The following CEP128 variants were observed in gnomAD, a reference collection of about 807,000 sequenced individuals.
The protein encoded by CEP128 is centrosomal protein 128kDa.
In CEP128, 132 loss-of-function variants were observed where a neutral mutation model predicts 156.7. The ratio of observed to expected loss-of-function variants is 0.84; its 90% CI spans 0.73 to 0.97. The LOEUF (loss-of-function observed/expected upper bound fraction) is 0.97, where lower values mean the gene tolerates loss of function less well. CEP128 is among the 50% of genes least tolerant of loss of function. The pLI is 0.00. For synonymous variants in CEP128, 469 were observed against 448.9 expected (o/e 1.04, Z -0.57); for missense variants, 1,252 against 1,281.9 (o/e 0.98, Z 0.36).
intron 15 of CEP128, among the ~76,000 whole-genome samples, chr14:80,784,369 T>C (rs1901284971): frequency 2.0e-5 from 3 of 151,732 alleles, no homozygotes. Context: ...ATGGTGATAA[T>C]GCTAACAACA....
intron 9 of CEP128, among the ~76,000 whole-genome samples, chr14:80,841,395 C>T (rs1442090864): frequency 1.3e-5 from 2 of 152,042 alleles, no homozygotes; most frequent in Non-Finnish European, 2.9e-5. Flanking sequence ...TTAAAAACTG[C>T]TTTGATGCAA....
At position 80,647,055 on chromosome 14, in the gene CEP128, A is replaced by ATGTGTGTGTG. The variant is rs1894678845; in HGVS notation, c.2807-66633_2807-66632insCACACACACA. Among the ~76,000 whole-genome samples, 22 of 36,550 alleles carry ATGTGTGTGTG rather than the reference A, an allele frequency of 6.0e-4. 1 individual carries two copies. The highest frequency in any genetic ancestry group is 5.9e-3 in the East Asian group (4 of 682). 24.0% of individuals were successfully genotyped at this position (36,550 alleles called of 152,430 possible). ...TGTGCATGTATATATATATATATAT[A>ATGTGTGTGTG]TATATATATATATATATATATATAT... On this transcript the variant is annotated intron_variant, in intron 19 of 24. Transcript: ENST00000555265.
chr14:80,923,280 C>A (rs937407368), intron 2 of CEP128, among the ~76,000 whole-genome samples: 2 of 152,290 alleles, frequency 1.3e-5, no homozygotes, highest in Admixed American at 1.3e-4. Flanking sequence ...GAAACAAATG[C>A]CCATATGCAA....
chr14:80,678,406 A>T (rs1197383), intron 19 of CEP128, among the ~76,000 whole-genome samples: 52,276 of 151,662 alleles, frequency 0.34, 12,668 homozygotes, highest in African/African-American at 0.69. Context: ...ATCAGAATAA[A>T]CAATTACTTG....
chr14:80,596,834 A>AAAAAAAAG (rs1892342904), intron 19 of CEP128, among the ~76,000 whole-genome samples: 1 of 116,562 alleles, frequency 8.6e-6, no homozygotes, highest in African/African-American at 3.6e-5. Flanking sequence ...AAAAAAAAAA[A>AAAAAAAAG]AAAAAAAAGG....
At chr14:80,821,049 G>T (rs1388158554) in intron 13 of CEP128, among the ~76,000 whole-genome samples, 1 of 151,938 alleles carries the variant, frequency 6.6e-6, no homozygotes, top group East Asian at 1.9e-4. Context: ...GGAACTAAAA[G>T]AATGTTTTCT....
downstream of CEP128, among the ~76,000 whole-genome samples, chr14:80,491,973 G>A (rs1431243848): frequency 6.6e-6 from 1 of 152,132 alleles, no homozygotes; most frequent in Non-Finnish European, 1.5e-5. Context: ...ATCCAGCTAA[G>A]TGCTGAGCAA....
intron 19 of CEP128, among the ~76,000 whole-genome samples, chr14:80,605,405 A>C (rs1455310546): frequency 6.6e-6 from 1 of 152,088 alleles, no homozygotes; most frequent in African/African-American, 2.4e-5. Flanking sequence ...TAATAAAGAC[A>C]TGTGACAAAT....
At chr14:80,635,128 C>T (rs1011489941) in intron 19 of CEP128, among the ~76,000 whole-genome samples, 4 of 152,204 alleles carry the variant, frequency 2.6e-5, no homozygotes, top group African/African-American at 9.6e-5. Context: ...ACCTATAATG[C>T]CTGCTTCTCA....
At chr14:80,751,303 C>T (rs1899380569) in intron 18 of CEP128, among the ~76,000 whole-genome samples, 1 of 151,994 alleles carries the variant, frequency 6.6e-6, no homozygotes, top group Non-Finnish European at 1.5e-5. Context: ...AATTTGTATG[C>T]AGAATATATT....
chr14:80,748,468 T>A (rs1421249926), intron 18 of CEP128, among the ~76,000 whole-genome samples: 1 of 152,212 alleles, frequency 6.6e-6, no homozygotes, highest in Non-Finnish European at 1.5e-5. Flanking sequence ...CTCTAGAAAG[T>A]GTTTTCTACG....
chr14:80,875,631 T>G (rs2139284560), intron 8 of CEP128, among the ~76,000 whole-genome samples: 1 of 152,298 alleles, frequency 6.6e-6, no homozygotes, highest in South Asian at 2.1e-4. Context: ...GTACTGAAAC[T>G]TGCAATGACT....
chr14:80,822,940 T>C (rs935106087), intron 13 of CEP128: 4 of 464,736 alleles, frequency 8.6e-6, no homozygotes, highest in Non-Finnish European at 1.2e-5. Flanking sequence ...ATTGTTGTTT[T>C]TGGGGGAAGG....
intron 19 of CEP128, among the ~76,000 whole-genome samples, chr14:80,687,967 A>G (rs1020866093): frequency 6.6e-6 from 1 of 152,172 alleles, no homozygotes; most frequent in Non-Finnish European, 1.5e-5. Context: ...CATTAAAAGC[A>G]TTAAGTCATT....
intron 8 of CEP128, among the ~76,000 whole-genome samples, chr14:80,874,286 A>C (rs1595530324): frequency 6.6e-6 from 1 of 152,186 alleles, no homozygotes; most frequent in East Asian, 1.9e-4. Flanking sequence ...CAACATCGCG[A>C]AACCCTGTCT....
upstream of CEP128, among the ~76,000 whole-genome samples, chr14:80,944,822 CAAAAAAAAAAAAAAAAAAAA>C (rs55662141): frequency 6.6e-4 from 23 of 34,660 alleles, no homozygotes; most frequent in African/African-American, 1.4e-3. Flanking sequence ...GAGTCTGTCT[CAAAAAAAAAAAAAAAAAAAA>C]AAAAAAAAAA....
At chr14:80,542,558 G>A (rs901409571) in intron 21 of CEP128, among the ~76,000 whole-genome samples, 4 of 152,212 alleles carry the variant, frequency 2.6e-5, no homozygotes, top group Non-Finnish European at 5.9e-5. Context: ...AGAGGAAGAT[G>A]AGAACCAAGT....
chr14:80,952,011 A>G (rs112406366), intron 2 of CEP128, among the ~76,000 whole-genome samples: 4 of 152,194 alleles, frequency 2.6e-5, no homozygotes, highest in African/African-American at 9.6e-5. Flanking sequence ...ATGAAGAAAA[A>G]CCTGATAGAA....
At chr14:80,854,757 C>A (rs1351442667) in intron 9 of CEP128, among the ~76,000 whole-genome samples, 1 of 152,042 alleles carries the variant, frequency 6.6e-6, no homozygotes, top group African/African-American at 2.4e-5. Flanking sequence ...AGAAATAAAC[C>A]TAGTTAAACA....
Sources: gnomAD v4.1 joint callset for allele counts (sites outside exome capture counted in the v4.1 genomes callset) on GRCh38, gnomAD v4.1.1 for gene constraint, MANE v1.5 for transcripts, NCBI Gene and HGNC (gene_info 2026-07-23, HGNC 2026-07-21) for gene names.